SNX31: variants seen among roughly 807,000 people sequenced by gnomAD.
SNX31 encodes the protein sorting nexin 31.
SNX31 carries 58 observed loss-of-function variants against 65.4 expected under a neutral mutation model. The ratio of observed to expected loss-of-function variants is 0.89; its 90% CI spans 0.72 to 1.10. The LOEUF is 1.10. Ranked by LOEUF, SNX31 falls within the 50% of genes least tolerant of loss-of-function variation. SNX31 has a pLI of 0.00. For synonymous variants in SNX31, 181 were observed against 190.1 expected (o/e 0.95, Z 0.39); for missense variants, 523 against 529.7 (o/e 0.99, Z 0.12).
intron 11 of SNX31, among the ~76,000 whole-genome samples, chr8:100,587,474 T>C (rs1313686445): frequency 6.6e-6 from 1 of 152,238 alleles, no homozygotes; most frequent in African/African-American, 2.4e-5. Flanking sequence ...CCAGTGATGC[T>C]ATTGTGCTGA....
chr8:100,659,819 C>T (rs149810005), intron 1 of SNX31, among the ~76,000 whole-genome samples: 6 of 152,172 alleles, frequency 3.9e-5, no homozygotes, highest in Non-Finnish European at 8.8e-5. Flanking sequence ...TTATAAGTTA[C>T]CCCCAACCAC....
rs1372724777 is a variant in SNX31, at chr8:100,648,734, G to C, written c.141+540C>G. Among the ~76,000 whole-genome samples the C allele has an allele frequency of 6.6e-6, 1 of 152,178 alleles. No homozygotes were observed. The highest frequency in any genetic ancestry group is 1.5e-5 in the Non-Finnish European group (1 of 68,032). ...AAACTATCCTAGCTTGGTAAGTCAT[G>C]TTCCCTGGTTCCCAGCCTGCCAGTA... On this transcript the variant is annotated intron_variant, in intron 2 of 13. Coordinates refer to ENST00000311812, the MANE Select transcript of SNX31 (RefSeq NM_152628.4). The surrounding 1 kb of genome is among the most constrained non-coding windows in gnomAD (Gnocchi z 4.3).
At chr8:100,607,229 C>T (rs780614943) in intron 8 of SNX31, among the ~76,000 whole-genome samples, 1 of 152,222 alleles carries the variant, frequency 6.6e-6, no homozygotes, top group Admixed American at 6.5e-5. Flanking sequence ...AGGGAACTCA[C>T]TGAAAGAAGC....
At chr8:100,656,936 G>A (rs541560645) in intron 1 of SNX31, among the ~76,000 whole-genome samples, 7 of 152,264 alleles carry the variant, frequency 4.6e-5, no homozygotes, top group African/African-American at 1.4e-4. Context: ...GTCTGGCAGC[G>A]AGAAGTATGG....
intron 11 of SNX31, among the ~76,000 whole-genome samples, chr8:100,586,389 G>C (rs1814051819): frequency 6.6e-6 from 1 of 152,158 alleles, no homozygotes; most frequent in Non-Finnish European, 1.5e-5. Flanking sequence ...AGTAGCCTTT[G>C]GGTGTACATC....
intron 12 of SNX31, among the ~76,000 whole-genome samples, chr8:100,580,258 A>G (rs1415399933): frequency 6.6e-6 from 1 of 152,178 alleles, no homozygotes; most frequent in African/African-American, 2.4e-5. Flanking sequence ...TTCAATATGT[A>G]AAATAATAAT....
chr8:100,589,245 G>A lies in SNX31; in HGVS notation c.979-266C>T, dbSNP rs976340721. Reference sequence around the variant, plus strand: ...GCACTAGGGAGACAGAGGTTGCAGTGAGCCGAGATCATGCCATTGCACTCC... The same window carrying A: ...GCACTAGGGAGACAGAGGTTGCAGTAAGCCGAGATCATGCCATTGCACTCC... On this transcript the variant is annotated intron_variant, in intron 10 of 13. Transcript: ENST00000311812. Among the ~76,000 whole-genome samples the A allele has an allele frequency of 4.7e-5, 7 of 148,268 alleles. 1 individual carries two copies. The South Asian group carries it at 1.1e-3, about 22-fold the overall frequency.
chr8:100,615,830 C>T (rs1042947326), intron 5 of SNX31, among the ~76,000 whole-genome samples: 13 of 152,114 alleles, frequency 8.5e-5, no homozygotes, highest in East Asian at 5.8e-4. Flanking sequence ...AGTGCAGTGG[C>T]GCGATCTCGG....
intron 2 of SNX31, among the ~76,000 whole-genome samples, chr8:100,643,118 G>T (rs60860351): frequency 8.6e-5 from 12 of 140,022 alleles, no homozygotes; most frequent in Admixed American, 2.9e-4. Flanking sequence ...TTGAACTTGG[G>T]GGGGGTGGAG....
At position 100,612,922 on chromosome 8, in the gene SNX31, T is replaced by G; in HGVS notation, c.523+73A>C. On this transcript the variant is annotated intron_variant, in intron 6 of 13. Transcript: ENST00000311812. This position sits in a 1 kb window ranked among gnomAD's most constrained non-coding sequence, Gnocchi z 4.3. Reference sequence around the variant, plus strand: ...CAGTGGGTGGCCAGCCCCTCAGCTGTGACTCCTATGAGCCCCTGCTCACAC... The same window carrying G: ...CAGTGGGTGGCCAGCCCCTCAGCTGGGACTCCTATGAGCCCCTGCTCACAC... 7.6e-7 allele frequency: 1 copy of G among 1,308,166 alleles called. No homozygotes were observed. The highest frequency in any genetic ancestry group is 1.7e-5 in the Admixed American group (1 of 59,478). The allele number at this position is 1,308,166 out of a possible 1,614,324, so 81.0% of individuals were successfully genotyped here. A position where few individuals can be genotyped will look rare whatever the true frequency, so the allele number is the denominator to read the frequency against.
chr8:100,574,294 G>T (rs1027677498), intron 13 of SNX31, among the ~76,000 whole-genome samples: 2 of 152,054 alleles, frequency 1.3e-5, no homozygotes, highest in African/African-American at 4.8e-5. Flanking sequence ...TTTTAACTTT[G>T]CCCAAAATCT....
In SNX31 at chr8:100,596,670, C is replaced by G. The variant is rs775927974; in HGVS notation, c.947G>C (p.Ser316Thr). 1 of 1,614,168 alleles carries G rather than the reference C, an allele frequency of 6.2e-7. No individual in the cohort carries two copies. The highest frequency in any genetic ancestry group is 1.1e-5 in the South Asian group (1 of 91,086). The change falls in exon 10 of 14, where the codon AGC (serine) becomes ACC (threonine). Residue 316 changes from serine (S) to threonine (T), a missense_variant. Transcript: ENST00000311812. The part of the protein sequence containing the change: ...SQTQDIVFQM[S>T]RVKCWQVTFL... ...AGTGACCTGCCAGCACTTCACCCTG[C>G]TCATCTGGAAAACGATGTCCTGGGT...
Position 100,588,248 on chromosome 8 carries a change from A to T in SNX31, c.1092+618T>A, listed in dbSNP as rs866511011. Among the ~76,000 whole-genome samples the T allele has an allele frequency of 4.6e-5, 7 of 152,234 alleles. No individual in the cohort carries two copies. The highest frequency in any genetic ancestry group is 7.3e-5 in the Non-Finnish European group (5 of 68,034). On this transcript the variant is annotated intron_variant, in intron 11 of 13. Transcript: ENST00000311812. This position sits in a 1 kb window ranked among gnomAD's most constrained non-coding sequence, Gnocchi z 4.8. ...TGTATATGCAAATATTTCAAGATTT[A>T]AAAAAATCTGCAATTGGAAACAATT...
chr8:100,639,130 C>G (rs950451837), intron 2 of SNX31, among the ~76,000 whole-genome samples: 3 of 152,166 alleles, frequency 2.0e-5, no homozygotes, highest in African/African-American at 7.2e-5. Context: ...ATTGTGGATG[C>G]ATGACACTAT....
At chr8:100,637,090 C>T (rs928902657) in intron 2 of SNX31, among the ~76,000 whole-genome samples, 1 of 152,184 alleles carries the variant, frequency 6.6e-6, no homozygotes, top group African/African-American at 2.4e-5. Flanking sequence ...GACATATGAT[C>T]CCAAGTAGAA....
Position 100,596,673 on chromosome 8 carries a change from A to T in SNX31, c.944T>A (p.Met315Lys). ...DSQTQDIVFQ[M>K]SRVKCWQVTF... is the part of the protein sequence containing the mutation. ...GACCTGCCAGCACTTCACCCTGCTCATCTGGAAAACGATGTCCTGGGTCTG... is the reference window on the plus strand; with the variant it reads ...GACCTGCCAGCACTTCACCCTGCTCTTCTGGAAAACGATGTCCTGGGTCTG... Residue 315 changes from methionine (M) to lysine (K), a missense_variant, in exon 10 of 14, where the codon ATG becomes AAG. Transcript: ENST00000311812. 6.2e-7 allele frequency: 1 copy of T among 1,614,194 alleles called. No homozygotes were observed. Among genetic ancestry groups the T allele is most frequent in the Non-Finnish European group, 8.5e-7 (1 of 1,180,034 alleles).
At chr8:100,633,169 T>C (rs570565256) in intron 3 of SNX31, among the ~76,000 whole-genome samples, 14 of 151,978 alleles carry the variant, frequency 9.2e-5, no homozygotes, top group Non-Finnish European at 1.9e-4. Context: ...GCTCAAGGGA[T>C]CCTCCTGCCT....
intron 1 of SNX31, among the ~76,000 whole-genome samples, chr8:100,661,271 G>C (rs1809783159): frequency 6.6e-6 from 1 of 152,184 alleles, no homozygotes; most frequent in Non-Finnish European, 1.5e-5. Flanking sequence ...CTCCCAAAGT[G>C]CTGGGATTAC....
rs1021465093 is a variant in SNX31, at chr8:100,649,628, C to A, written c.-114G>T. ...GCGCGGCCTGCCACGCGACTCAGAG[C>A]GAACCCCGGCGCCCGCTCTCGCCGG... On this transcript the variant is annotated 5_prime_UTR_variant, in exon 1 of 14. Transcript: ENST00000311812. The A allele has an allele frequency of 3.6e-5, 36 of 1,010,142 alleles. No homozygotes were observed. Among genetic ancestry groups the A allele is most frequent in the East Asian group, 2.6e-4 (9 of 35,094 alleles). The allele number at this position is 1,010,142 out of a possible 1,614,324, so 62.6% of individuals were successfully genotyped here. A position where few individuals can be genotyped will look rare whatever the true frequency, so the allele number is the denominator to read the frequency against.
Sources: allele counts gnomAD v4.1 joint callset (sites outside exome capture counted in the v4.1 genomes callset), GRCh38; gene constraint gnomAD v4.1.1; non-coding constraint Gnocchi (gnomAD v3.1); transcripts MANE v1.5; gene names NCBI Gene and HGNC (gene_info 2026-07-23, HGNC 2026-07-21).